Variants in EP400 observed in about 807,000 individuals in gnomAD.
EP400 encodes E1A binding protein p400, also known as E1A-binding protein p400.
A neutral mutation model predicts 354.1 loss-of-function variants in EP400; 105 were observed. That is an observed-to-expected ratio of 0.30 (90% CI 0.25 to 0.35). The LOEUF is 0.35. Among genes scored for constraint, EP400 ranks in the 10% least tolerant of loss-of-function variants. The probability of loss-of-function intolerance (pLI) is 1.00; values close to 1 mark genes in which losing one functional copy is unlikely to be tolerated. For synonymous variants in EP400, 1,646 were observed against 1,716.9 expected (o/e 0.96, Z 1.02); for missense variants, 3,280 against 4,121.0 (o/e 0.80, Z 5.59).
chr12:132,015,240 C>T (rs988427961), intron 19 of EP400, among the ~76,000 whole-genome samples: 6 of 152,216 alleles, frequency 3.9e-5, no homozygotes, highest in Non-Finnish European at 5.9e-5. Flanking sequence ...CTCCAAGAGG[C>T]GGAGCAGTGG....
At position 132,070,147 on chromosome 12, in the gene EP400, G is replaced by A. The variant is rs936515630; in HGVS notation, c.9021+506G>A. On this transcript the variant is annotated intron_variant, in intron 51 of 52. Transcript: ENST00000389561. This position sits in a 1 kb window ranked among gnomAD's most constrained non-coding sequence, Gnocchi z 4.1. ...TACCTCCCTGCATCCTTCTCTAAGA[G>A]CGGGGGAGTGGTACCTTCTTAGCTG... Among the ~76,000 whole-genome samples, 4 of 152,080 alleles carry A rather than the reference G, an allele frequency of 2.6e-5. No homozygotes were observed. The highest frequency in any genetic ancestry group is 5.9e-5 in the Non-Finnish European group (4 of 68,034).
rs1202717171 is a variant in EP400, at chr12:132,052,385, C to T, written c.7395-761C>T. ...CGCAAACCCCCAGGACTCCCTACTGCCCACGCTCTGAGTCGCCTGGCCCTG... is the reference window on the plus strand; with the variant it reads ...CGCAAACCCCCAGGACTCCCTACTGTCCACGCTCTGAGTCGCCTGGCCCTG... On this transcript the variant is annotated intron_variant, in intron 41 of 52. Coordinates refer to ENST00000389561, the MANE Select transcript of EP400 (RefSeq NM_015409.5). The surrounding 1 kb of genome is among the most constrained non-coding windows in gnomAD (Gnocchi z 4.4). Among the ~76,000 whole-genome samples the T allele has an allele frequency of 6.6e-6, 1 of 152,232 alleles. No individual in the cohort carries two copies. Among genetic ancestry groups the T allele is most frequent in the African/African-American group, 2.4e-5 (1 of 41,456 alleles).
At chr12:132,069,973 T>C in intron 51 of EP400, among the ~76,000 whole-genome samples, 1 of 152,316 alleles carries the variant, frequency 6.6e-6, no homozygotes, top group Middle Eastern at 3.4e-3. Flanking sequence ...ATTTTATTTT[T>C]TGATATTTTT....
chr12:132,021,488 G>A (rs1350784461), intron 23 of EP400, among the ~76,000 whole-genome samples, 167 bp downstream of exon 23: 3 of 152,266 alleles, frequency 2.0e-5, no homozygotes, highest in Non-Finnish European at 4.4e-5. Context: ...CATGAGTCTA[G>A]CAGGGAGCGC....
intron 5 of EP400, among the ~76,000 whole-genome samples, chr12:131,984,566 A>G (rs1593325708): frequency 1.3e-5 from 2 of 152,234 alleles, no homozygotes; most frequent in East Asian, 3.9e-4. Flanking sequence ...TTTTTGTGGA[A>G]ATGATTCTAT....
intron 11 of EP400, among the ~76,000 whole-genome samples, chr12:131,992,760 G>T (rs970992982): frequency 6.6e-6 from 1 of 152,186 alleles, no homozygotes; most frequent in South Asian, 2.1e-4. Context: ...GAGACAGAGT[G>T]GGGAGCAGGA....
In EP400 at chr12:132,006,705, G is replaced by A; in HGVS notation, c.3132G>A (p.Lys1044=). 3 of 1,592,698 alleles carry A rather than the reference G, an allele frequency of 1.9e-6. No individual in the cohort carries two copies. The highest frequency in any genetic ancestry group is 2.6e-6 in the Non-Finnish European group (3 of 1,172,008). The change falls in exon 15 of 53, where the codon AAG becomes AAA. Residue 1044 remains lysine, a synonymous_variant. Coordinates refer to ENST00000389561, the MANE Select transcript of EP400 (RefSeq NM_015409.5). ...KGSARVTTSV[K]FNAPSLLYGA... Reference sequence around the variant, plus strand: ...TTATTTGTTCATCACTGCAGGTCAAGTTTAATGCTCCATCTTTGTTGTATG... The same window carrying A: ...TTATTTGTTCATCACTGCAGGTCAAATTTAATGCTCCATCTTTGTTGTATG...
chr12:132,051,869 T>G (rs887483235), intron 41 of EP400, among the ~76,000 whole-genome samples: 3 of 152,156 alleles, frequency 2.0e-5, no homozygotes, highest in South Asian at 2.1e-4. Flanking sequence ...TCCTTGACAC[T>G]AATGCTACTG....
intron 2 of EP400, among the ~76,000 whole-genome samples, chr12:131,969,624 G>A (rs1892221953): frequency 6.7e-6 from 1 of 150,272 alleles, no homozygotes; most frequent in African/African-American, 2.4e-5. Context: ...AGTGCACCTT[G>A]TATATATATA....
chr12:131,986,957 T>C (rs1281119484), intron 6 of EP400, 150 bp downstream of exon 6: 1 of 1,014,384 alleles, frequency 9.9e-7, no homozygotes, highest in East Asian at 2.5e-5. Flanking sequence ...AACCAAGGGT[T>C]AGCCTTTTCT....
intron 3 of EP400, among the ~76,000 whole-genome samples, chr12:131,980,664 GCCT>G (rs1438169805): frequency 6.6e-6 from 1 of 152,138 alleles, no homozygotes; most frequent in Non-Finnish European, 1.5e-5. Flanking sequence ...TCATGCCTCA[GCCT>G]CCTGAGTAGC....
intron 29 of EP400, 130 bp downstream of exon 29, chr12:132,030,288 C>T: frequency 9.2e-7 from 1 of 1,091,704 alleles, no homozygotes; most frequent in Non-Finnish European, 1.3e-6. Flanking sequence ...AGCTTCTGAA[C>T]TTTTTAAAGT....
intron 30 of EP400, among the ~76,000 whole-genome samples, chr12:132,034,209 C>T (rs987184276): frequency 1.3e-5 from 2 of 152,168 alleles, no homozygotes; most frequent in Admixed American, 6.5e-5. Flanking sequence ...CAATTACTAG[C>T]CAGAAATTGG....
In EP400 at chr12:132,001,893, T is replaced by A. The variant is rs548629836; in HGVS notation, c.2828-3184T>A. 2.6e-5 allele frequency among the ~76,000 whole-genome samples: 4 copies of A among 152,370 alleles called. No homozygotes were observed. In the East Asian group the frequency reaches 7.7e-4, roughly 29 times the overall value. ...GTAATTGCTACAAACTAGTGATTAA[T>A]GATATTCGTATATAATCATGTCTAT... On this transcript the variant is annotated intron_variant, in intron 12 of 52. Transcript: ENST00000389561.
intron 11 of EP400, among the ~76,000 whole-genome samples, chr12:131,992,922 T>G (rs1893088195): frequency 6.6e-6 from 1 of 152,210 alleles, no homozygotes; most frequent in Non-Finnish European, 1.5e-5. Flanking sequence ...TTTCCAAATT[T>G]TTGAAGATTG....
rs189392117 is a variant in EP400, at chr12:131,950,599, C to G, written c.-36+563C>G. On this transcript the variant is annotated intron_variant, in intron 1 of 52. Transcript: ENST00000389561. ...GGTTACAGTGAGGTCCGAATCCGCT[C>G]CTTCTCGGCGTAGACCTGCCCGGTC... Among the ~76,000 whole-genome samples the G allele has an allele frequency of 3.0e-3, 452 of 152,294 alleles. 4 individuals are homozygous for G. Among genetic ancestry groups the G allele is most frequent in the Non-Finnish European group, 4.7e-3 (318 of 68,018 alleles).
chr12:132,074,410 G>T (rs980912415), intron 51 of EP400, among the ~76,000 whole-genome samples: 1 of 152,064 alleles, frequency 6.6e-6, no homozygotes, highest in African/African-American at 2.4e-5. Context: ...CTCCCCCACC[G>T]TCTGCCTGTT....
intron 12 of EP400, among the ~76,000 whole-genome samples, chr12:131,999,232 C>G (rs1033794125): frequency 6.6e-6 from 1 of 152,042 alleles, no homozygotes; most frequent in Non-Finnish European, 1.5e-5. Context: ...AATGGGATAA[C>G]CAGTGTTCTT....
At chr12:131,992,522 T>G (rs919619282) in intron 11 of EP400, among the ~76,000 whole-genome samples, 1 of 152,230 alleles carries the variant, frequency 6.6e-6, no homozygotes, top group Non-Finnish European at 1.5e-5. Context: ...AGCCTGTTTC[T>G]GTCCTTGAGA....
Sources: gnomAD v4.1 joint callset for allele counts (sites outside exome capture counted in the v4.1 genomes callset) on GRCh38, gnomAD v4.1.1 for gene constraint, Gnocchi (gnomAD v3.1) non-coding constraint, MANE v1.5 for transcripts, NCBI Gene and HGNC (gene_info 2026-07-23, HGNC 2026-07-21) for gene names.